The following RIC1 variants were observed in gnomAD, a reference collection of about 807,000 sequenced individuals.
RIC1 encodes the protein guanine nucleotide exchange factor subunit RIC1.
Under a neutral mutation model 169.0 loss-of-function variants are expected in RIC1, and 88 were observed. The observed-to-expected ratio is 0.52, with a 90% confidence interval of 0.44 to 0.62. RIC1 has a LOEUF of 0.62. Among genes scored for constraint, RIC1 ranks in the 20% least tolerant of loss-of-function variants. The pLI, the probability that RIC1 is intolerant of heterozygous loss-of-function variation, is 0.00. For synonymous variants in RIC1, 790 were observed against 601.5 expected (o/e 1.31, Z -4.59); for missense variants, 1,877 against 1,725.5 (o/e 1.09, Z -1.56).
chr9:5,645,533 C>T (rs368873119), intron 1 of RIC1, among the ~76,000 whole-genome samples: 6 of 152,172 alleles, frequency 3.9e-5, no homozygotes, highest in African/African-American at 1.4e-4. Context: ...AAGCTTCGTA[C>T]CCTGTAAATG....
At chr9:5,715,943 G>A (rs1473903661) in intron 4 of RIC1, among the ~76,000 whole-genome samples, 1 of 151,922 alleles carries the variant, frequency 6.6e-6, no homozygotes, top group Non-Finnish European at 1.5e-5. Flanking sequence ...AGCCTCCTGG[G>A]CTCCAGTGAT....
chr9:5,655,753 A>G (rs1480342425), intron 1 of RIC1, among the ~76,000 whole-genome samples: 3 of 151,948 alleles, frequency 2.0e-5, no homozygotes, highest in South Asian at 4.2e-4. Flanking sequence ...TCTGGGGTAT[A>G]TCGTATTTGG....
intron 2 of RIC1, among the ~76,000 whole-genome samples, chr9:5,677,269 A>C (rs530771755): frequency 6.6e-6 from 1 of 152,130 alleles, no homozygotes; most frequent in Non-Finnish European, 1.5e-5. Context: ...CATTTTTCTA[A>C]TAACTAATGA....
intron 2 of RIC1, among the ~76,000 whole-genome samples, chr9:5,676,823 T>C (rs573006203): frequency 1.2e-4 from 18 of 152,238 alleles, no homozygotes; most frequent in Non-Finnish European, 2.5e-4. Context: ...TTTTTTCTAG[T>C]TTCTCTCAGC....
At position 5,762,675 on chromosome 9, in the gene RIC1, A is replaced by C. The variant is rs1826421444; in HGVS notation, c.2112+15A>C. 2 of 1,610,630 alleles carry C rather than the reference A, an allele frequency of 1.2e-6. No individual in the cohort carries two copies. The highest frequency in any genetic ancestry group is 2.7e-5 in the African/African-American group (2 of 74,720). ...AAAGGAAACTTGTGAGTAAAGTACTAGTCATTTCTTTTCAAACATTAAGAA... is the reference window on the plus strand; with the variant it reads ...AAAGGAAACTTGTGAGTAAAGTACTCGTCATTTCTTTTCAAACATTAAGAA... On this transcript the variant is annotated intron_variant, in intron 18 of 25. Coordinates refer to ENST00000414202, the MANE Select transcript of RIC1 (RefSeq NM_020829.4).
intron 6 of RIC1, among the ~76,000 whole-genome samples, chr9:5,727,584 G>A (rs970705897): frequency 1.3e-5 from 2 of 152,164 alleles, no homozygotes; most frequent in African/African-American, 4.8e-5. Flanking sequence ...TTCCATTGCT[G>A]GCAAGGAGCT....
chr9:5,681,571 T>C (rs145985818), intron 2 of RIC1, among the ~76,000 whole-genome samples: 4,087 of 152,330 alleles, frequency 0.027, 91 homozygotes, highest in Admixed American at 0.038. Flanking sequence ...AACTATGTGG[T>C]CAATTTTGGA....
chr9:5,673,830 G>C (rs138893132), intron 2 of RIC1, among the ~76,000 whole-genome samples: 1 of 152,038 alleles, frequency 6.6e-6, no homozygotes, highest in African/African-American at 2.4e-5. Context: ...TCATTTCTGA[G>C]TTAGAATCCA....
Position 5,740,181 on chromosome 9 carries a change from T to C in RIC1, c.901+1643T>C, listed in dbSNP as rs140396332. On this transcript the variant is annotated intron_variant, in intron 8 of 25. Coordinates refer to ENST00000414202, the MANE Select transcript of RIC1 (RefSeq NM_020829.4). Reference sequence around the variant, plus strand: ...ATGGTCAAAGGTGTTATGTATAGAGTCACTAAACTCCTTGCGTCTCACAAG... The same window carrying C: ...ATGGTCAAAGGTGTTATGTATAGAGCCACTAAACTCCTTGCGTCTCACAAG... 5.8e-4 allele frequency among the ~76,000 whole-genome samples: 88 copies of C among 152,284 alleles called. 1 individual carries two copies. The East Asian group carries it at 0.014, about 23-fold the overall frequency.
chr9:5,636,011 C>G (rs546662079), intron 1 of RIC1, among the ~76,000 whole-genome samples: 2 of 152,282 alleles, frequency 1.3e-5, no homozygotes, highest in East Asian at 3.9e-4. Context: ...CTTTGTTGTT[C>G]TTTCTCAAGA....
At position 5,776,467 on chromosome 9, in the gene RIC1, A is replaced by C. The variant is rs921260465; in HGVS notation, c.*2221A>C. 2.6e-5 allele frequency: 4 copies of C among 152,050 alleles called. No individual in the cohort carries two copies. Among genetic ancestry groups the C allele is most frequent in the Non-Finnish European group, 4.4e-5 (3 of 67,956 alleles). The allele number at this position is 152,050 out of a possible 1,614,324, so 9.4% of individuals were successfully genotyped here. On this transcript the variant is annotated 3_prime_UTR_variant, in exon 26 of 26. Coordinates refer to ENST00000414202, the MANE Select transcript of RIC1 (RefSeq NM_020829.4). ...CAAGTCATTGGGGGTGTGGGAATAA[A>C]ATCAACCTTTGCTTGTAATTAAAGT...
chr9:5,680,868 C>G, intron 2 of RIC1, among the ~76,000 whole-genome samples: 1 of 129,244 alleles, frequency 7.7e-6, no homozygotes, highest in East Asian at 2.5e-4. Flanking sequence ...GCTCTGTCGC[C>G]CAGGCTGGAG....
chr9:5,668,910 A>G (rs1369632648), intron 2 of RIC1, among the ~76,000 whole-genome samples: 1 of 152,076 alleles, frequency 6.6e-6, no homozygotes, highest in Admixed American at 6.6e-5. Flanking sequence ...GGTTTCTGCC[A>G]TATTCTTTAT....
intron 1 of RIC1, among the ~76,000 whole-genome samples, chr9:5,649,471 C>A (rs1022827469): frequency 7.2e-5 from 11 of 152,068 alleles, no homozygotes; most frequent in African/African-American, 1.7e-4. Flanking sequence ...TGCTGAAGCA[C>A]TTGAATGTAT....
At chr9:5,772,504 T>G (rs1231553760) in intron 23 of RIC1, 60 bp from the exon 24 acceptor site, 4 of 1,374,394 alleles carry the variant, frequency 2.9e-6, no homozygotes, top group African/African-American at 1.5e-5. Flanking sequence ...ATATTTAAAA[T>G]TAAAGGAAAA....
chr9:5,632,006 T>C (rs183339814), intron 1 of RIC1, among the ~76,000 whole-genome samples: 2 of 152,266 alleles, frequency 1.3e-5, no homozygotes, highest in East Asian at 3.9e-4. Flanking sequence ...GCTAAAAGCT[T>C]TGATTTTTGA....
chr9:5,727,465 C>G (rs1824069237), intron 6 of RIC1, among the ~76,000 whole-genome samples: 1 of 152,108 alleles, frequency 6.6e-6, no homozygotes, highest in Non-Finnish European at 1.5e-5. Flanking sequence ...TTTTTTGCTT[C>G]TTTGCAATGG....
intron 3 of RIC1, among the ~76,000 whole-genome samples, chr9:5,692,017 G>C (rs1314125637): frequency 6.6e-6 from 1 of 152,010 alleles, no homozygotes; most frequent in East Asian, 1.9e-4. Context: ...AAGTAGTCCT[G>C]ACAATGCGTG....
chr9:5,692,694 T>C (rs927342061), intron 3 of RIC1, among the ~76,000 whole-genome samples: 3 of 152,020 alleles, frequency 2.0e-5, no homozygotes, highest in African/African-American at 4.8e-5. Flanking sequence ...ATAACTTCTT[T>C]CATTGTTAAG....
Sources: allele counts gnomAD v4.1 joint callset (sites outside exome capture counted in the v4.1 genomes callset), GRCh38; gene constraint gnomAD v4.1.1; transcripts MANE v1.5; gene names NCBI Gene and HGNC (gene_info 2026-07-23, HGNC 2026-07-21).